The following CCSER1 variants were observed in gnomAD, a reference collection of about 807,000 sequenced individuals.
CCSER1 encodes the protein coiled-coil serine rich protein 1, also known as serine-rich coiled-coil domain-containing protein 1.
Under a neutral mutation model 82.0 loss-of-function variants are expected in CCSER1, and 41 were observed. The observed-to-expected ratio is 0.50, with a 90% confidence interval of 0.39 to 0.65. CCSER1 has a LOEUF of 0.65. Ranked by LOEUF, CCSER1 falls within the 30% of genes least tolerant of loss-of-function variation. The pLI, the probability that CCSER1 is intolerant of heterozygous loss-of-function variation, is 0.00. For synonymous variants in CCSER1, 414 were observed against 383.9 expected (o/e 1.08, Z -0.92); for missense variants, 1,119 against 1,064.2 (o/e 1.05, Z -0.72).
At chr4:90,233,547 A>G (rs1015999951) in intron 1 of CCSER1, among the ~76,000 whole-genome samples, 18 of 151,974 alleles carry the variant, frequency 1.2e-4, no homozygotes, top group African/African-American at 3.6e-4. Context: ...TGGGTGCAGC[A>G]CACCAGCATG....
intron 10 of CCSER1, among the ~76,000 whole-genome samples, chr4:91,482,447 G>T (rs1347089694): frequency 6.7e-6 from 1 of 148,546 alleles, no homozygotes; most frequent in Non-Finnish European, 1.5e-5. Context: ...GGAAACAACA[G>T]GTGCTGGAGA....
chr4:91,004,798 T>C (rs924584354), intron 9 of CCSER1, among the ~76,000 whole-genome samples: 3 of 152,232 alleles, frequency 2.0e-5, no homozygotes, highest in Non-Finnish European at 2.9e-5. Context: ...ATTTTGTCTT[T>C]GATATTAACA....
chr4:90,691,601 G>GAATATATCACATGTATATATGTGTATGTA (rs1735939850), intron 6 of CCSER1, among the ~76,000 whole-genome samples: 1 of 127,690 alleles, frequency 7.8e-6, no homozygotes. Context: ...TATCACATGT[G>GAATATATCACATGTATATATGTGTATGTA]TATATATCAC....
intron 10 of CCSER1, among the ~76,000 whole-genome samples, chr4:91,115,859 A>T (rs56146739): frequency 0.51 from 51,557 of 101,280 alleles, 12,752 homozygotes; most frequent in Non-Finnish European, 0.6. Flanking sequence ...ATATATATAT[A>T]TTTTTTTTTA....
chr4:90,636,963 TAGC>T (rs1331682235), intron 6 of CCSER1, among the ~76,000 whole-genome samples: 2 of 152,172 alleles, frequency 1.3e-5, no homozygotes, highest in African/African-American at 2.4e-5. Flanking sequence ...ATGACAGAAT[TAGC>T]AGTAAATTTA....
chr4:90,532,681 T>C (rs921921051), intron 5 of CCSER1, among the ~76,000 whole-genome samples: 5 of 152,226 alleles, frequency 3.3e-5, no homozygotes, highest in Non-Finnish European at 5.9e-5. Flanking sequence ...TCAGTTTCTT[T>C]ATATCAAAAT....
chr4:90,749,206 A>C (rs1361137102), intron 7 of CCSER1, among the ~76,000 whole-genome samples: 1 of 151,070 alleles, frequency 6.6e-6, no homozygotes, highest in Non-Finnish European at 1.5e-5. Flanking sequence ...TCTTGAATTG[A>C]TTTTTGTATA....
chr4:91,061,552 T>C lies in CCSER1; in HGVS notation c.2173-24398T>C, dbSNP rs190809223. Among the ~76,000 whole-genome samples the C allele has an allele frequency of 2.0e-5, 3 of 152,152 alleles. No individual in the cohort carries two copies. In the East Asian group the frequency reaches 5.8e-4, roughly 29 times the overall value. On this transcript the variant is annotated intron_variant, in intron 9 of 10. Coordinates refer to ENST00000509176, the MANE Select transcript of CCSER1 (RefSeq NM_001145065.2). ...TTTTATTTTATTTTATTTTATTTTT[T>C]TCTGTCTAACTTAAGATTAAATTCA...
At chr4:90,466,527 A>G (rs2153587022) in intron 4 of CCSER1, among the ~76,000 whole-genome samples, 1 of 152,322 alleles carries the variant, frequency 6.6e-6, no homozygotes, top group Non-Finnish European at 1.5e-5. Flanking sequence ...TGATACCTTG[A>G]TTTTGGCCTT....
At chr4:90,347,220 T>C (rs1742503310) in intron 3 of CCSER1, among the ~76,000 whole-genome samples, 1 of 152,168 alleles carries the variant, frequency 6.6e-6, no homozygotes, top group South Asian at 2.1e-4. Context: ...TACTTGTTTA[T>C]CAGGCTGCCA....
chr4:90,339,902 T>TTATA (rs1039242003), intron 3 of CCSER1, among the ~76,000 whole-genome samples: 2 of 150,074 alleles, frequency 1.3e-5, no homozygotes, highest in African/African-American at 2.5e-5. Flanking sequence ...ATGTACTATT[T>TTATA]TATATATATA....
intron 7 of CCSER1, among the ~76,000 whole-genome samples, chr4:90,809,976 G>A (rs1032565192): frequency 2.0e-5 from 3 of 152,098 alleles, no homozygotes; most frequent in Non-Finnish European, 4.4e-5. Context: ...GAATAAACAG[G>A]TATTATGTTT....
At chr4:90,942,834 A>AT (rs1271810055) in intron 9 of CCSER1, among the ~76,000 whole-genome samples, 2 of 149,786 alleles carry the variant, frequency 1.3e-5, no homozygotes, top group Admixed American at 1.3e-4. Context: ...TATAGTTTAG[A>AT]TTTTTTAACT....
chr4:91,342,801 G>C (rs1292989649), intron 10 of CCSER1, among the ~76,000 whole-genome samples: 1 of 152,040 alleles, frequency 6.6e-6, no homozygotes, highest in South Asian at 2.1e-4. Context: ...TACATTCCCT[G>C]GTCACTTTCC....
chr4:90,719,042 T>C lies in CCSER1; in HGVS notation c.1933-4872T>C, dbSNP rs193101458. 1.9e-3 allele frequency among the ~76,000 whole-genome samples: 295 copies of C among 152,146 alleles called. 1 individual carries two copies. Among genetic ancestry groups the C allele is most frequent in the Non-Finnish European group, 3.4e-3 (233 of 67,986 alleles). On this transcript the variant is annotated intron_variant, in intron 6 of 10. Coordinates refer to ENST00000509176, the MANE Select transcript of CCSER1 (RefSeq NM_001145065.2). Reference sequence around the variant, plus strand: ...ATACTTTATTACAGGGCTCCTCAACTTCCTGGCCACGGACCACTGGTCCGT... The same window carrying C: ...ATACTTTATTACAGGGCTCCTCAACCTCCTGGCCACGGACCACTGGTCCGT...
chr4:90,811,002 T>C (rs887106886), intron 7 of CCSER1, among the ~76,000 whole-genome samples: 5 of 151,746 alleles, frequency 3.3e-5, no homozygotes, highest in African/African-American at 1.2e-4. Context: ...CCAACTAATT[T>C]TTTGTATTTT....
chr4:91,357,712 C>A (rs149899755), intron 10 of CCSER1, among the ~76,000 whole-genome samples: 2,985 of 151,778 alleles, frequency 0.02, 92 homozygotes, highest in African/African-American at 0.066. Context: ...TTTTTGCATA[C>A]AATTTTTATA....
intron 8 of CCSER1, among the ~76,000 whole-genome samples, chr4:90,865,120 T>C (rs1765573495): frequency 6.6e-6 from 1 of 152,000 alleles, no homozygotes; most frequent in Admixed American, 6.6e-5. Context: ...CTTTAAGAAA[T>C]TGTAAAATCA....
At chr4:91,089,431 G>A (rs1723715414) in intron 10 of CCSER1, among the ~76,000 whole-genome samples, 2 of 152,148 alleles carry the variant, frequency 1.3e-5, no homozygotes, top group Non-Finnish European at 2.9e-5. Context: ...TCTTAAAGCA[G>A]GTACTGAATA....
Sources: gnomAD v4.1 joint callset for allele counts (sites outside exome capture counted in the v4.1 genomes callset) on GRCh38, gnomAD v4.1.1 for gene constraint, MANE v1.5 for transcripts, NCBI Gene and HGNC (gene_info 2026-07-23, HGNC 2026-07-21) for gene names.